The following MDC1 variants were observed in gnomAD, a reference collection of about 807,000 sequenced individuals.
MDC1 encodes mediator of DNA damage checkpoint protein 1.
A neutral mutation model predicts 142.5 loss-of-function variants in MDC1; 81 were observed. The observed-to-expected ratio is 0.57, with a 90% CI of 0.47 to 0.68. The LOEUF (loss-of-function observed/expected upper bound fraction) is 0.68, where lower values mean the gene tolerates loss of function less well. MDC1 is among the 30% of genes least tolerant of loss of function. The pLI is 0.00. For synonymous variants in MDC1, 797 were observed against 968.4 expected, an observed-to-expected ratio of 0.82 and a Z score of 3.29; for missense variants, 2,119 against 2,547.9, an observed-to-expected ratio of 0.83 and a Z score of 3.62.
In MDC1 at chr6:30,703,155, C is replaced by A; in HGVS notation, c.5814G>T (p.Leu1938=). The A allele has an allele frequency of 6.2e-7, 1 of 1,613,140 alleles. No individual in the cohort carries two copies. The highest frequency in any genetic ancestry group is 8.5e-7 in the Non-Finnish European group (1 of 1,180,038). Residue 1938 remains leucine, a synonymous_variant, in exon 12 of 15, where the codon CTG becomes CTT. Transcript: ENST00000376406. The surrounding 1 kb of genome is among the most constrained non-coding windows in gnomAD (Gnocchi z 4.4). ...TGGGGATTCCCCGCCCCAGGGCACA[C>A]AGGAACTTGACTGTCCGGCGGATGC... The part of the protein sequence containing the change: ...TDRIRRTVKF[L]CALGRGIPIL...
At chr6:30,711,805 C>T in intron 5 of MDC1, 69 bp downstream of exon 5, 1 of 1,568,110 alleles carries the variant, frequency 6.4e-7, no homozygotes, top group Non-Finnish European at 8.7e-7. Flanking sequence ...CTCTACCTTT[C>T]TCTCCCCAAC....
In MDC1 at chr6:30,700,367, G is replaced by A; in HGVS notation, c.*98C>T. 7.9e-7 allele frequency: 1 copy of A among 1,260,866 alleles called. No individual in the cohort carries two copies. The highest frequency in any genetic ancestry group is 1.1e-6 in the Non-Finnish European group (1 of 929,774). 78.1% of individuals were successfully genotyped at this position (1,260,866 alleles called of 1,614,324 possible). A position where few individuals can be genotyped will look rare whatever the true frequency, so the allele number is the denominator to read the frequency against. ...TGGTCCCACCCATGTTCCAGGACAA[G>A]TTGTATCAATATACCCCAATCCTTT... On this transcript the variant is annotated 3_prime_UTR_variant, in exon 15 of 15. Transcript: ENST00000376406.
intron 6 of MDC1, 71 bp from the exon 7 acceptor site, chr6:30,711,575 C>T: frequency 6.3e-7 from 1 of 1,596,366 alleles, no homozygotes; most frequent in Non-Finnish European, 8.6e-7. Context: ...GGTCTCCTAC[C>T]CTACCCATAC....
Position 30,713,237 on chromosome 6 carries a change from T to C in MDC1, c.705A>G (p.Ser235=). 2.5e-6 allele frequency: 4 copies of C among 1,613,130 alleles called. No individual in the cohort carries two copies. The highest frequency in any genetic ancestry group is 3.4e-6 in the Non-Finnish European group (4 of 1,180,032). ...CTACAGTGGCACCTCTTCTGGCAGC[T>C]GAGGAGGCCTCCTCTGTGGCTGGTT... is the stretch of plus-strand genomic sequence containing the variant. ...GQQPATEEAS[S]AARRGATVEA... is the part of the protein sequence containing the mutation. The change falls in exon 5 of 15, where the codon TCA becomes TCG. Residue 235 remains serine (S), a synonymous_variant. Transcript: ENST00000376406. This position sits in a 1 kb window ranked among gnomAD's most constrained non-coding sequence, Gnocchi z 4.9.
Position 30,715,270 on chromosome 6 carries a change from A to AGCCAG in MDC1, c.-3-93_-3-92insCTGGC. The AGCCAG allele has an allele frequency of 1.5e-6, 2 of 1,348,862 alleles. No individual in the cohort carries two copies. The highest frequency in any genetic ancestry group is 2.1e-6 in the Non-Finnish European group (2 of 946,074). The allele number at this position is 1,348,862 out of a possible 1,614,324, so 83.6% of individuals were successfully genotyped here. A position where few individuals can be genotyped will look rare whatever the true frequency, so the allele number is the denominator to read the frequency against. On this transcript the variant is annotated intron_variant, in intron 1 of 14. Transcript: ENST00000376406. The surrounding 1 kb of genome is among the most constrained non-coding windows in gnomAD (Gnocchi z 4.1). Reference sequence around the variant, plus strand: ...GACTGAAAACTAGGGGGTAAACTGGATCATTATGAACGTTGATGCTTCTCT... The same window carrying AGCCAG: ...GACTGAAAACTAGGGGGTAAACTGGAGCCAGTCATTATGAACGTTGATGCTTCTCT...
Position 30,704,037 on chromosome 6 carries a change from T to C in MDC1, c.5146A>G (p.Thr1716Ala), listed in dbSNP as rs771947363. 1 of 1,614,060 alleles carries C rather than the reference T, an allele frequency of 6.2e-7. No individual in the cohort carries two copies. Among genetic ancestry groups the C allele is most frequent in the South Asian group, 1.1e-5 (1 of 91,072 alleles). Residue 1716 changes from threonine to alanine, a missense_variant, in exon 10 of 15, where the codon ACT (threonine) becomes GCT (alanine). Physicochemically the swap from Thr to Ala is moderately conservative, Grantham distance 58. Transcript: ENST00000376406. ...TGCCTCTTGATGCAACTGGGTTGAGTAATAGGCTCAGGGGAAATAGGCTGG... is the reference window on the plus strand; with the variant it reads ...TGCCTCTTGATGCAACTGGGTTGAGCAATAGGCTCAGGGGAAATAGGCTGG... ...TDQPISPEPI[T>A]QPSCIKRQRA...
chr6:30,706,186 G>GCCTATCTAACC, intron 9 of MDC1, 88 bp from the exon 10 acceptor site: 2 of 1,192,872 alleles, frequency 1.7e-6, no homozygotes, highest in Non-Finnish European at 2.3e-6. Context: ...TTTATGGTTA[G>GCCTATCTAACC]ATAGGCTTAC....
In MDC1 at chr6:30,711,734, G is replaced by C. The variant is rs377303623; in HGVS notation, c.2069-8C>G. On this transcript the variant is annotated splice_polypyrimidine_tract_variant and splice_region_variant and intron_variant, in intron 5 of 14. Transcript: ENST00000376406. ...GGTCCAGATCTTCAGAATCTGGTCG[G>C]GGAGGAATATAAGACAGTTTAAAAC... is the stretch of plus-strand genomic sequence containing the variant. 2.5e-6 allele frequency: 4 copies of C among 1,611,996 alleles called. No individual in the cohort carries two copies.
At position 30,702,626 on chromosome 6, in the gene MDC1, G is replaced by A; in HGVS notation, c.6029C>T (p.Pro2010Leu). ...EIYVTPGVQP[P>L]PPQMGEIISC... ...AATAATCTCTCCCATCTGAGGTGGTGGTGGCTGGACTCCAGGGGTCACATA... is the reference window on the plus strand; with the variant it reads ...AATAATCTCTCCCATCTGAGGTGGTAGTGGCTGGACTCCAGGGGTCACATA... The change falls in exon 14 of 15, where the codon CCA (proline) becomes CTA (leucine). Residue 2010 changes from proline (P) to leucine (L), a missense_variant. Physicochemically the swap from Pro to Leu is moderately conservative, Grantham distance 98 (BLOSUM62 -3). Transcript: ENST00000376406. 6.2e-7 allele frequency: 1 copy of A among 1,611,476 alleles called. No individual in the cohort carries two copies. Among genetic ancestry groups the A allele is most frequent in the South Asian group, 1.1e-5 (1 of 90,826 alleles).
In MDC1 at chr6:30,716,868, TA is replaced by T; in HGVS notation, c.-4+376del. On this transcript the variant is annotated intron_variant, in intron 1 of 14. Transcript: ENST00000376406. This position sits in a 1 kb window ranked among gnomAD's most constrained non-coding sequence, Gnocchi z 4.4. ...CAAATGAGATGGAAAGAAAATAGCA[TA>T]AATGGAATTCACCTGAAAATATGCC... 1.0e-6 allele frequency: 1 copy of T among 977,794 alleles called. No individual in the cohort carries two copies. Among genetic ancestry groups the T allele is most frequent in the Non-Finnish European group, 1.2e-6 (1 of 822,984 alleles). 60.6% of individuals were successfully genotyped at this position (977,794 alleles called of 1,614,324 possible).
chr6:30,704,740 G>A lies in MDC1; in HGVS notation c.4443C>T (p.Ser1481=), dbSNP rs781723109. The A allele has an allele frequency of 4.3e-6, 7 of 1,612,436 alleles. No individual in the cohort carries two copies. The highest frequency in any genetic ancestry group is 5.1e-6 in the Non-Finnish European group (6 of 1,179,398). Residue 1481 remains serine (S), a synonymous_variant, in exon 10 of 15, where the codon TCC becomes TCT. Coordinates refer to ENST00000376406, the MANE Select transcript of MDC1 (RefSeq NM_014641.3). ...SQATRGRTDR[S]SVKTPETVVP... ...CAACTGTTTCAGGAGTCTTGACAGAGGATCTATCTGTTCTTCCCCTAGTAG... is the reference window on the plus strand; with the variant it reads ...CAACTGTTTCAGGAGTCTTGACAGAAGATCTATCTGTTCTTCCCCTAGTAG...
Position 30,712,195 on chromosome 6 carries a change from C to T in MDC1, c.1747G>A (p.Glu583Lys), listed in dbSNP as rs1021167504. 6 of 1,612,810 alleles carry T rather than the reference C, an allele frequency of 3.7e-6. No homozygotes were observed. Among genetic ancestry groups the T allele is most frequent in the Non-Finnish European group, 5.1e-6 (6 of 1,180,006 alleles). Residue 583 changes from glutamate to lysine, a missense_variant, in exon 5 of 15, where the codon GAG (glutamate) becomes AAG (lysine). Physicochemically the swap from Glu to Lys is moderately conservative, Grantham distance 56. Transcript: ENST00000376406. This position sits in a 1 kb window ranked among gnomAD's most constrained non-coding sequence, Gnocchi z 4.7. Reference protein sequence around the residue: ...LHGDCETDAEEGTSLTASVVA... With the variant: ...LHGDCETDAEKGTSLTASVVA... ...ACTGAGGCTGTTAGGGAGGTGCCCT[C>T]CTCTGCATCTGTTTCACAGTCCCCA... is the stretch of plus-strand genomic sequence containing the variant.
intron 14 of MDC1, among the ~76,000 whole-genome samples, chr6:30,700,934 G>A (rs1056375588): frequency 2.0e-5 from 3 of 148,986 alleles, no homozygotes; most frequent in African/African-American, 7.4e-5. Flanking sequence ...TTAGCCGGGC[G>A]CGCTGACGGG....
chr6:30,713,219 G>A lies in MDC1; in HGVS notation c.723C>T (p.Ala241=). ...EEASSAARRG[A]TVEAKQSEAE... is the part of the protein sequence containing the mutation. Reference sequence around the variant, plus strand: ...CTTCAGACTGCTTTGCCTCTACAGTGGCACCTCTTCTGGCAGCTGAGGAGG... The same window carrying A: ...CTTCAGACTGCTTTGCCTCTACAGTAGCACCTCTTCTGGCAGCTGAGGAGG... Residue 241 remains alanine, a synonymous_variant, in exon 5 of 15, where the codon GCC becomes GCT. Transcript: ENST00000376406. The surrounding 1 kb of genome is among the most constrained non-coding windows in gnomAD (Gnocchi z 4.9). 6.2e-7 allele frequency: 1 copy of A among 1,613,096 alleles called. No homozygotes were observed. Among genetic ancestry groups the A allele is most frequent in the East Asian group, 2.2e-5 (1 of 44,884 alleles).
intron 1 of MDC1, chr6:30,717,036 A>C (rs1775748165): frequency 5.1e-6 from 2 of 389,124 alleles, no homozygotes; most frequent in Non-Finnish European, 7.0e-6. Context: ...TTTGGTCCCC[A>C]CCTCAGTGGG....
At chr6:30,714,265 T>A in intron 2 of MDC1, 82 bp from the exon 3 acceptor site, 1 of 1,412,316 alleles carries the variant, frequency 7.1e-7, no homozygotes, top group Non-Finnish European at 9.4e-7. Flanking sequence ...GGTACTCTAC[T>A]ACTCACTCAA....
In MDC1 at chr6:30,704,120, G is replaced by A. The variant is rs933028474; in HGVS notation, c.5063C>T (p.Thr1688Ile). 22 of 1,613,916 alleles carry A rather than the reference G, an allele frequency of 1.4e-5. No homozygotes were observed. The highest frequency in any genetic ancestry group is 6.7e-5 in the African/African-American group (5 of 74,890). Residue 1688 changes from threonine to isoleucine, a missense_variant, in exon 10 of 15, where the codon ACA becomes ATA. Thr to Ile is a moderately conservative substitution (Grantham distance 89). Coordinates refer to ENST00000376406, the MANE Select transcript of MDC1 (RefSeq NM_014641.3). Reference sequence around the variant, plus strand: ...GGTAGGAACCGGCATAGCTCTTACTGTGGAAGACCTCAGTGTTTTGCTCTG... The same window carrying A: ...GGTAGGAACCGGCATAGCTCTTACTATGGAAGACCTCAGTGTTTTGCTCTG... ...GGQSKTLRSS[T>I]VRAMPVPTTP...
Position 30,716,800 on chromosome 6 carries a change from C to T in MDC1, c.-4+445G>A. ...CTGTGAACCAAACATGAAATCGACCCTGCCCTCGGGAAGGCTCATCACCGA... is the reference window on the plus strand; with the variant it reads ...CTGTGAACCAAACATGAAATCGACCTTGCCCTCGGGAAGGCTCATCACCGA... On this transcript the variant is annotated intron_variant, in intron 1 of 14. Coordinates refer to ENST00000376406, the MANE Select transcript of MDC1 (RefSeq NM_014641.3). This position sits in a 1 kb window ranked among gnomAD's most constrained non-coding sequence, Gnocchi z 4.4. The T allele has an allele frequency of 1.8e-6, 1 of 558,980 alleles. No individual in the cohort carries two copies. The highest frequency in any genetic ancestry group is 2.3e-6 in the Non-Finnish European group (1 of 440,544). The allele number at this position is 558,980 out of a possible 1,614,324, so 34.6% of individuals were successfully genotyped here.
At position 30,703,559 on chromosome 6, in the gene MDC1, G is replaced by C; in HGVS notation, c.5563-22C>G. 6.2e-7 allele frequency: 1 copy of C among 1,612,902 alleles called. No individual in the cohort carries two copies. The highest frequency in any genetic ancestry group is 1.1e-5 in the South Asian group (1 of 91,084). ...CATCCTGAGATTGAGAAAAATCTTGGTGGGAGTTTCAGAGCCCTGAAGTCA... is the reference window on the plus strand; with the variant it reads ...CATCCTGAGATTGAGAAAAATCTTGCTGGGAGTTTCAGAGCCCTGAAGTCA... On this transcript the variant is annotated intron_variant, in intron 10 of 14. Coordinates refer to ENST00000376406, the MANE Select transcript of MDC1 (RefSeq NM_014641.3). The surrounding 1 kb of genome is among the most constrained non-coding windows in gnomAD (Gnocchi z 4.4).
Sources: allele counts gnomAD v4.1 joint callset (sites outside exome capture counted in the v4.1 genomes callset), GRCh38; gene constraint gnomAD v4.1.1; non-coding constraint Gnocchi (gnomAD v3.1); transcripts MANE v1.5; gene names NCBI Gene and HGNC (gene_info 2026-07-23, HGNC 2026-07-21).